Variants in TMEM132D observed in about 807,000 individuals in gnomAD.
The protein encoded by TMEM132D is mature OL transmembrane protein.
Under a neutral mutation model 62.3 loss-of-function variants are expected in TMEM132D, and 21 were observed. The ratio of observed to expected loss-of-function variants is 0.34; its 90% confidence interval spans 0.24 to 0.49. The LOEUF is 0.49. TMEM132D is among the 20% of genes least tolerant of loss of function. The pLI, the probability that TMEM132D is intolerant of heterozygous loss-of-function variation, is 0.99. For synonymous variants in TMEM132D, 621 were observed against 575.6 expected (o/e 1.08, Z -1.13); for missense variants, 1,346 against 1,402.8 (o/e 0.96, Z 0.65).
chr12:129,118,148 C>G (rs1875950505), intron 5 of TMEM132D, among the ~76,000 whole-genome samples: 1 of 152,184 alleles, frequency 6.6e-6, no homozygotes. Context: ...AAATACAGCT[C>G]AGAAATATTG....
chr12:129,310,956 G>T lies in TMEM132D; in HGVS notation c.1299+26678C>A, dbSNP rs1030600678. 1.4e-5 allele frequency among the ~76,000 whole-genome samples: 2 copies of T among 141,582 alleles called. 1 individual carries two copies. Among genetic ancestry groups the T allele is most frequent in the Non-Finnish European group, 3.0e-5 (2 of 66,752 alleles). 92.9% of individuals were successfully genotyped at this position (141,582 alleles called of 152,430 possible). On this transcript the variant is annotated intron_variant, in intron 4 of 8. Transcript: ENST00000422113. ...AGGATAATTCTCATTGAACAAAAAG[G>T]AACAGGCCGAGGCAGGCGGATCACG...
intron 1 of TMEM132D, among the ~76,000 whole-genome samples, chr12:129,784,684 A>C (rs1425983838): frequency 1.3e-5 from 2 of 152,136 alleles, no homozygotes; most frequent in South Asian, 4.1e-4. Context: ...GTATCATTCC[A>C]TTCCCTCCTA....
At position 129,623,738 on chromosome 12, in the gene TMEM132D, T is replaced by C. The variant is rs11060468; in HGVS notation, c.968+76072A>G. Among the ~76,000 whole-genome samples, 11 of 130,608 alleles carry C rather than the reference T, an allele frequency of 8.4e-5. No homozygotes were observed. In the East Asian group the frequency reaches 1.7e-3, roughly 20 times the overall value. The allele number at this position is 130,608 out of a possible 152,430, so 85.7% of individuals were successfully genotyped here. ...GCATATATATACATACATATATACATATATATACACATATATATACACACA... is the reference window on the plus strand; with the variant it reads ...GCATATATATACATACATATATACACATATATACACATATATATACACACA... On this transcript the variant is annotated intron_variant, in intron 2 of 8. Transcript: ENST00000422113.
intron 5 of TMEM132D, among the ~76,000 whole-genome samples, chr12:129,163,223 A>G (rs1007688363): frequency 1.3e-5 from 2 of 152,244 alleles, no homozygotes; most frequent in African/African-American, 2.4e-5. Context: ...GTGTCTCAAA[A>G]TTGATGAAGC....
intron 1 of TMEM132D, among the ~76,000 whole-genome samples, chr12:129,753,845 T>C (rs1449773052): frequency 4.6e-5 from 7 of 152,244 alleles, no homozygotes; most frequent in African/African-American, 9.6e-5. Flanking sequence ...TTACTTCATT[T>C]TTCCCCCTAT....
chr12:129,659,827 T>C (rs1880191158), intron 2 of TMEM132D, among the ~76,000 whole-genome samples: 1 of 152,244 alleles, frequency 6.6e-6, no homozygotes, highest in African/African-American at 2.4e-5. Context: ...CTCTAAATTT[T>C]CAGGGAAGTT....
chr12:129,263,534 G>A (rs1029719977), intron 4 of TMEM132D, among the ~76,000 whole-genome samples: 7 of 152,146 alleles, frequency 4.6e-5, no homozygotes, highest in African/African-American at 1.4e-4. Flanking sequence ...TATATGGAGG[G>A]AAGTTAGGGA....
chr12:129,533,488 T>C (rs986179843), intron 2 of TMEM132D, among the ~76,000 whole-genome samples: 2 of 152,262 alleles, frequency 1.3e-5, no homozygotes, highest in East Asian at 3.8e-4. Context: ...TTTAAATAAA[T>C]AGGTCATCAA....
chr12:129,589,937 T>C (rs1437650012), intron 2 of TMEM132D, among the ~76,000 whole-genome samples: 1 of 152,172 alleles, frequency 6.6e-6, no homozygotes, highest in Non-Finnish European at 1.5e-5. Context: ...TTTTACTCAC[T>C]CCCCTCTGAG....
At chr12:129,463,541 G>C (rs1042360961) in intron 3 of TMEM132D, among the ~76,000 whole-genome samples, 6 of 151,614 alleles carry the variant, frequency 4.0e-5, no homozygotes, top group African/African-American at 1.5e-4. Flanking sequence ...TGTTACATAT[G>C]TATACATGTG....
At chr12:129,164,018 G>A (rs1292567193) in intron 5 of TMEM132D, among the ~76,000 whole-genome samples, 1 of 152,184 alleles carries the variant, frequency 6.6e-6, no homozygotes, top group Non-Finnish European at 1.5e-5. Flanking sequence ...GCCTTCCCTG[G>A]TGGGAACTGA....
At chr12:129,326,506 T>TAAAGTTTCAGCTCTCAC (rs1247300566) in intron 4 of TMEM132D, among the ~76,000 whole-genome samples, 1 of 152,254 alleles carries the variant, frequency 6.6e-6, no homozygotes, top group Admixed American at 6.5e-5. Flanking sequence ...TATATGAAAT[T>TAAAGTTTCAGCTCTCAC]AAAGTTTCAG....
chr12:129,518,503 G>A, intron 3 of TMEM132D, among the ~76,000 whole-genome samples: 1 of 150,928 alleles, frequency 6.6e-6, no homozygotes, highest in East Asian at 1.9e-4. Flanking sequence ...TATTGTGTGT[G>A]TGTGTGTATA....
chr12:129,152,987 C>T (rs916413714), intron 5 of TMEM132D, among the ~76,000 whole-genome samples: 2 of 152,148 alleles, frequency 1.3e-5, no homozygotes, highest in Non-Finnish European at 2.9e-5. Flanking sequence ...CACTTCCTGC[C>T]AACTCTTCCG....
chr12:129,816,544 C>A (rs1872350201), intron 1 of TMEM132D, among the ~76,000 whole-genome samples: 1 of 152,132 alleles, frequency 6.6e-6, no homozygotes, highest in Admixed American at 6.5e-5. Flanking sequence ...TAAAATAAAA[C>A]ACACAGAGAC....
intron 5 of TMEM132D, among the ~76,000 whole-genome samples, chr12:129,152,511 A>G (rs1877103713): frequency 6.6e-6 from 1 of 152,148 alleles, no homozygotes; most frequent in African/African-American, 2.4e-5. Flanking sequence ...ACCTGACATG[A>G]GCCTGGGCTC....
chr12:129,859,944 C>A (rs532837924), intron 1 of TMEM132D, among the ~76,000 whole-genome samples: 1 of 152,338 alleles, frequency 6.6e-6, no homozygotes, highest in Admixed American at 6.5e-5. Flanking sequence ...CGAGTCAATT[C>A]TCCCTAATAA....
chr12:129,472,742 G>C (rs886805236), intron 3 of TMEM132D, among the ~76,000 whole-genome samples: 1 of 152,192 alleles, frequency 6.6e-6, no homozygotes, highest in East Asian at 1.9e-4. Context: ...GGTTTTGAGC[G>C]GATTCTTCAA....
At chr12:129,380,615 C>T (rs1199389425) in intron 3 of TMEM132D, among the ~76,000 whole-genome samples, 1 of 151,980 alleles carries the variant, frequency 6.6e-6, no homozygotes, top group East Asian at 1.9e-4. Context: ...CATCTCATCA[C>T]GTGTGTTGGT....
Sources: gnomAD v4.1 joint callset for allele counts (sites outside exome capture counted in the v4.1 genomes callset) on GRCh38, gnomAD v4.1.1 for gene constraint, MANE v1.5 for transcripts, NCBI Gene and HGNC (gene_info 2026-07-23, HGNC 2026-07-21) for gene names.